LOC112694756: variants seen among roughly 807,000 people sequenced by gnomAD.
At chr16:30,068,581 C>A in the LOC112694756 span, 1 of 1,556,892 alleles carries the variant, frequency 6.4e-7, no homozygotes, top group Non-Finnish European at 8.9e-7. Flanking sequence ...CCAGCCGGGG[C>A]GACAGTGGAA....
At chr16:30,061,116 G>T in the LOC112694756 span, among the ~76,000 whole-genome samples, 2 of 152,248 alleles carry the variant, frequency 1.3e-5, no homozygotes, top group African/African-American at 4.8e-5. Context: ...CAGCCATTTG[G>T]CCTGACTCCA....
chr16:30,068,393 A>C, the LOC112694756 span: 2 of 542,632 alleles, frequency 3.7e-6, no homozygotes, highest in Admixed American at 5.8e-5. Flanking sequence ...ATTGTAACTA[A>C]GTGAAAATAT....
the LOC112694756 span, chr16:30,068,838 C>T: frequency 1.2e-5 from 19 of 1,614,076 alleles, no homozygotes; most frequent in African/African-American, 2.7e-5. Context: ...GCTGTCTGAG[C>T]GCTGTGCCCA....
chr16:30,057,370 G>A, the LOC112694756 span, among the ~76,000 whole-genome samples: 2 of 152,172 alleles, frequency 1.3e-5, no homozygotes, highest in Non-Finnish European at 2.9e-5. Context: ...GCCTTGCATC[G>A]CAAATAGCTC....
At chr16:30,069,044 T>C in the LOC112694756 span, 3 of 1,606,142 alleles carry the variant, frequency 1.9e-6, no homozygotes, top group Non-Finnish European at 2.6e-6. Flanking sequence ...TTAATTTGCC[T>C]ATTACCTGCC....
At chr16:30,069,805 C>A in the LOC112694756 span, 1 of 1,614,020 alleles carries the variant, frequency 6.2e-7, no homozygotes, top group Non-Finnish European at 8.5e-7. Flanking sequence ...ACCACAGCCC[C>A]TCTCGCCTCA....
At chr16:30,065,182 C>T in the LOC112694756 span, among the ~76,000 whole-genome samples, 1 of 152,230 alleles carries the variant, frequency 6.6e-6, no homozygotes, top group African/African-American at 2.4e-5. Context: ...GCCGCCTTCT[C>T]GCGCTCCCTG....
the LOC112694756 span, chr16:30,068,777 G>A: frequency 6.2e-7 from 1 of 1,614,172 alleles, no homozygotes; most frequent in Non-Finnish European, 8.5e-7. Flanking sequence ...GAAACCACAT[G>A]CCCCTCCCCA....
the LOC112694756 span, chr16:30,067,611 C>T: frequency 2.6e-5 from 42 of 1,613,972 alleles, 1 homozygote; most frequent in South Asian, 3.8e-4. Context: ...GGATGATGGG[C>T]GTCCCTTCCC....
the LOC112694756 span, among the ~76,000 whole-genome samples, chr16:30,055,801 T>G: frequency 6.6e-6 from 1 of 152,028 alleles, no homozygotes; most frequent in Non-Finnish European, 1.5e-5. Context: ...CCTCTTCTTT[T>G]CTTTTTGTTG....
the LOC112694756 span, chr16:30,069,801 G>A: frequency 6.8e-6 from 11 of 1,613,794 alleles, no homozygotes; most frequent in Non-Finnish European, 9.3e-6. Context: ...TCTGACCACA[G>A]CCCCTCTCGC....
the LOC112694756 span, chr16:30,068,408 C>T: frequency 1.7e-6 from 1 of 577,808 alleles, no homozygotes; most frequent in Non-Finnish European, 3.1e-6. Flanking sequence ...AAATATTTGC[C>T]AGCCCTGAGA....
chr16:30,069,740 T>G, the LOC112694756 span: 1 of 1,611,876 alleles, frequency 6.2e-7, no homozygotes. Context: ...TATGCCCATT[T>G]GGACGGATTT....
the LOC112694756 span, among the ~76,000 whole-genome samples, chr16:30,055,811 GTTGT>G: frequency 6.7e-6 from 1 of 149,010 alleles, no homozygotes; most frequent in East Asian, 2.0e-4. Flanking sequence ...TCTTTTTGTT[GTTGT>G]TTGAGACAGG....
chr16:30,055,771 C>T, the LOC112694756 span, among the ~76,000 whole-genome samples: 4 of 151,550 alleles, frequency 2.6e-5, no homozygotes, highest in African/African-American at 9.7e-5. Context: ...AGAGCTGGGT[C>T]CTCCCGTCTC....
chr16:30,054,772 G>A, the LOC112694756 span: 2 of 399,150 alleles, frequency 5.0e-6, no homozygotes, highest in East Asian at 7.1e-5. Flanking sequence ...CCTTCCTCCT[G>A]TACTCGTCCA....
the LOC112694756 span, among the ~76,000 whole-genome samples, chr16:30,063,455 TG>T: frequency 6.6e-6 from 1 of 151,876 alleles, no homozygotes; most frequent in Non-Finnish European, 1.5e-5. Context: ...CAGGGCCAGT[TG>T]CTCTCTGGTC....
the LOC112694756 span, chr16:30,068,484 G>A: frequency 9.0e-6 from 7 of 777,830 alleles, no homozygotes; most frequent in Middle Eastern, 3.4e-4. Flanking sequence ...AGAGGGGCAC[G>A]CCCAGCTACC....
the LOC112694756 span, among the ~76,000 whole-genome samples, chr16:30,055,738 G>GC: frequency 6.6e-6 from 1 of 150,778 alleles, no homozygotes. Flanking sequence ...GAACTAAGTT[G>GC]TTTTTTTTTC....
Sources: gnomAD v4.1 joint callset for allele counts (sites outside exome capture counted in the v4.1 genomes callset) on GRCh38, gnomAD v4.1.1 for gene constraint, MANE v1.5 for transcripts.